The following SELENOH variants were observed in gnomAD, a reference collection of about 807,000 sequenced individuals.
SELENOH encodes the protein chromosome 11 open reading frame 31.
Under a neutral mutation model 11.9 loss-of-function variants are expected in SELENOH, and 13 were observed. The observed-to-expected ratio is 1.09, with a 90% CI of 0.71 to 1.74. SELENOH has a LOEUF of 1.74. SELENOH is among the 40% of genes most tolerant of loss of function. The pLI, the probability that SELENOH is intolerant of heterozygous loss-of-function variation, is 0.00. For missense variants in SELENOH, 223 were observed against 170.3 expected (o/e 1.31, Z -1.72); for synonymous variants, 96 against 73.5 (o/e 1.31, Z -1.56).
In SELENOH at chr11:57,741,867, G is replaced by A. The variant is rs1178482587; in HGVS notation, c.181G>A (p.Glu61Lys). 5.0e-6 allele frequency: 8 copies of A among 1,603,418 alleles called. No individual in the cohort carries two copies. Among genetic ancestry groups the A allele is most frequent in the Non-Finnish European group, 6.8e-6 (8 of 1,176,518 alleles). Reference protein sequence around the residue: ...AAALSQALRLEAPELPVKVNP... With the variant: ...AAALSQALRLKAPELPVKVNP... ...GGCCCTGAGCCAGGCGCTGCGCCTG[G>A]AGGCCCCAGAGCTTCCAGTAAAGGT... Residue 61 changes from glutamate (E) to lysine (K), a missense_variant, in exon 2 of 4, where the codon GAG (glutamate) becomes AAG (lysine). Glu to Lys is a moderately conservative substitution (Grantham distance 56). Coordinates refer to ENST00000534355, the MANE Select transcript of SELENOH (RefSeq NM_170746.4).
rs1227474453 is a variant in SELENOH, at chr11:57,742,256, TGGG to T, written c.*30+10_*30+12del. The T allele has an allele frequency of 1.3e-6, 2 of 1,548,316 alleles. No individual in the cohort carries two copies. The highest frequency in any genetic ancestry group is 2.7e-5 in the African/African-American group (2 of 73,348). ...GAAGCCCTCATGCTGAGGTTTGAAA[TGGG>T]AAGTGGGGGGCGCGACCGCTGTTGA... On this transcript the variant is annotated intron_variant, in intron 3 of 3. Transcript: ENST00000534355.
chr11:57,741,572 A>C lies in SELENOH; in HGVS notation c.-24A>C. 8.0e-7 allele frequency: 1 copy of C among 1,256,126 alleles called. No homozygotes were observed. The highest frequency in any genetic ancestry group is 4.0e-5 in the Admixed American group (1 of 25,232). 77.8% of individuals were successfully genotyped at this position (1,256,126 alleles called of 1,614,324 possible). On this transcript the variant is annotated 5_prime_UTR_variant, in exon 1 of 4. Coordinates refer to ENST00000534355, the MANE Select transcript of SELENOH (RefSeq NM_170746.4). ...GCCCCCCACCCACCAGTCCCGCTGCATTCTCGGCCGGGCTCTAGGCGCCAT... is the reference window on the plus strand; with the variant it reads ...GCCCCCCACCCACCAGTCCCGCTGCCTTCTCGGCCGGGCTCTAGGCGCCAT...
In SELENOH at chr11:57,741,730, G is replaced by T. The variant is rs1164905190; in HGVS notation, c.122+13G>T. 1.3e-6 allele frequency: 2 copies of T among 1,592,988 alleles called. No homozygotes were observed. The highest frequency in any genetic ancestry group is 1.7e-6 in the Non-Finnish European group (2 of 1,172,332). ...TTATCGAGCATTGGTGAGGGGCCTG[G>T]AGAGTAACGGGAGAGAGGGAACAGT... On this transcript the variant is annotated intron_variant, in intron 1 of 3. Transcript: ENST00000534355.
chr11:57,741,746 A>AG (rs1325949700), intron 1 of SELENOH, 29 bp downstream of exon 1: 11 of 1,598,458 alleles, frequency 6.9e-6, no homozygotes, highest in Non-Finnish European at 9.4e-6. Flanking sequence ...AACGGGAGAG[A>AG]GGGAACAGTG....
intron 2 of SELENOH, 66 bp from the exon 3 acceptor site, chr11:57,742,051 C>A: frequency 6.3e-7 from 1 of 1,586,626 alleles, no homozygotes; most frequent in Non-Finnish European, 8.6e-7. Context: ...ACGGCAGTCT[C>A]ATGACTTCAG....
rs1047422188 is a variant in SELENOH at position 57,742,216 on chromosome 11, A to G, written c.368A>G (p.Ter123TrpextTer?). ...GAAGAGTTGAAGAAGTACCTGTCGTAGGGAGATTTGGGTAGAAGCCCTCAT... is the reference window on the plus strand; with the variant it reads ...GAAGAGTTGAAGAAGTACCTGTCGTGGGGAGATTTGGGTAGAAGCCCTCAT... ...VVEELKKYLS[*>W] The change falls in exon 3 of 4, where the codon TAG becomes TGG. Residue 123 changes from the stop codon to tryptophan (W), a stop_lost. Coordinates refer to ENST00000534355, the MANE Select transcript of SELENOH (RefSeq NM_170746.4). The G allele has an allele frequency of 1.2e-6, 2 of 1,606,722 alleles. No individual in the cohort carries two copies. The highest frequency in any genetic ancestry group is 1.7e-6 in the Non-Finnish European group (2 of 1,176,518).
intron 1 of SELENOH, 30 bp downstream of exon 1, chr11:57,741,747 G>T: frequency 6.3e-7 from 1 of 1,598,824 alleles, no homozygotes; most frequent in Non-Finnish European, 8.5e-7. Flanking sequence ...ACGGGAGAGA[G>T]GGAACAGTGG....
chr11:57,742,243 C>T lies in SELENOH; in HGVS notation c.*26C>T. The T allele has an allele frequency of 6.3e-7, 1 of 1,576,100 alleles. No individual in the cohort carries two copies. Among genetic ancestry groups the T allele is most frequent in the Non-Finnish European group, 8.7e-7 (1 of 1,155,708 alleles). On this transcript the variant is annotated 3_prime_UTR_variant, in exon 3 of 4. Transcript: ENST00000534355. ...GGAGATTTGGGTAGAAGCCCTCATG[C>T]TGAGGTTTGAAATGGGAAGTGGGGG... is the stretch of plus-strand genomic sequence containing the variant.
At position 57,741,821 on chromosome 11, in the gene SELENOH, C is replaced by G; in HGVS notation, c.135C>G (p.Arg45=). The G allele has an allele frequency of 6.2e-7, 1 of 1,605,954 alleles. No individual in the cohort carries two copies. Among genetic ancestry groups the G allele is most frequent in the East Asian group, 2.2e-5 (1 of 44,556 alleles). The change falls in exon 2 of 4, where the codon CGC becomes CGG. Residue 45 remains arginine, a synonymous_variant. Transcript: ENST00000534355. The part of the protein sequence containing the change: ...TVVIEHCTSU[R]VYGRNAAALS... ...CGTCTCTCCCTAGCACTAGCTGACG[C>G]GTCTATGGGCGCAACGCCGCGGCCC...
rs145767870 is a variant in SELENOH at position 57,741,761 on chromosome 11, C to CGG, written c.123-41_123-40dup. 6.1e-5 allele frequency: 97 copies of CGG among 1,590,712 alleles called. No homozygotes were observed. In the African/African-American group the frequency reaches 9.7e-4, roughly 16 times the overall value. ...AACGGGAGAGAGGGAACAGTGGCGC[C>CGG]GGGGGGGGCCAGGGGCCCCGGTTTC... On this transcript the variant is annotated intron_variant, in intron 1 of 3. Transcript: ENST00000534355.
At position 57,741,940 on chromosome 11, in the gene SELENOH, G is replaced by A; in HGVS notation, c.254G>A (p.Arg85His). 4 of 1,588,466 alleles carry A rather than the reference G, an allele frequency of 2.5e-6. No individual in the cohort carries two copies. The highest frequency in any genetic ancestry group is 3.4e-6 in the Non-Finnish European group (4 of 1,171,834). Residue 85 changes from arginine to histidine, a missense_variant, in exon 2 of 4, where the codon CGC (arginine) becomes CAC (histidine). By Grantham distance (29) the Arg-to-His change is conservative (BLOSUM62 0). Coordinates refer to ENST00000534355, the MANE Select transcript of SELENOH (RefSeq NM_170746.4). ...RRGSFEVTLL[R>H]PDGSSAELWT... ...GGCAGCTTCGAGGTGACGCTGCTGC[G>A]CCCGGACGGCAGCAGTAAGTGGGGA...
At position 57,741,515 on chromosome 11, in the gene SELENOH, T is replaced by C; in HGVS notation, c.-81T>C. The C allele has an allele frequency of 1.8e-6, 2 of 1,132,654 alleles. No individual in the cohort carries two copies. The highest frequency in any genetic ancestry group is 2.2e-6 in the Non-Finnish European group (2 of 893,132). 70.2% of individuals were successfully genotyped at this position (1,132,654 alleles called of 1,614,324 possible). ...CAGAGCTTCCGGGCTGCGCTCTTCG[T>C]TGCCCAGTTTCCGCTCAGTGGTCGC... On this transcript the variant is annotated 5_prime_UTR_variant, in exon 1 of 4. Coordinates refer to ENST00000534355, the MANE Select transcript of SELENOH (RefSeq NM_170746.4).
Position 57,741,844 on chromosome 11 carries a change from C to T in SELENOH, c.158C>T (p.Ala53Val). The T allele has an allele frequency of 1.9e-6, 3 of 1,606,438 alleles. No individual in the cohort carries two copies. Among genetic ancestry groups the T allele is most frequent in the Non-Finnish European group, 2.5e-6 (3 of 1,176,934 alleles). The change falls in exon 2 of 4, where the codon GCC (alanine) becomes GTC (valine). Residue 53 changes from alanine (A) to valine (V), a missense_variant. By Grantham distance (64) the Ala-to-Val change is moderately conservative. Coordinates refer to ENST00000534355, the MANE Select transcript of SELENOH (RefSeq NM_170746.4). ...SURVYGRNAA[A>V]LSQALRLEAP... ...CGCGTCTATGGGCGCAACGCCGCGG[C>T]CCTGAGCCAGGCGCTGCGCCTGGAG...
chr11:57,742,307 G>A, intron 3 of SELENOH, 60 bp downstream of exon 3: 2 of 1,301,670 alleles, frequency 1.5e-6, no homozygotes, highest in South Asian at 2.6e-5. Context: ...ATTGATCTTG[G>A]TGTGGCTACA....
At chr11:57,742,311 G>A (rs1190662341) in intron 3 of SELENOH, 64 bp downstream of exon 3, 1 of 1,248,250 alleles carries the variant, frequency 8.0e-7, no homozygotes, top group African/African-American at 1.5e-5. Flanking sequence ...ATCTTGGTGT[G>A]GCTACAAGTA....
chr11:57,741,871 C>G lies in SELENOH; in HGVS notation c.185C>G (p.Ala62Gly). The G allele has an allele frequency of 1.2e-6, 2 of 1,600,212 alleles. No individual in the cohort carries two copies. Among genetic ancestry groups the G allele is most frequent in the Non-Finnish European group, 1.7e-6 (2 of 1,175,812 alleles). Residue 62 changes from alanine (A) to glycine (G), a missense_variant, in exon 2 of 4, where the codon GCC becomes GGC. Physicochemically the swap from Ala to Gly is moderately conservative, Grantham distance 60. Transcript: ENST00000534355. ...CTGAGCCAGGCGCTGCGCCTGGAGGCCCCAGAGCTTCCAGTAAAGGTGAAC... is the reference window on the plus strand; with the variant it reads ...CTGAGCCAGGCGCTGCGCCTGGAGGGCCCAGAGCTTCCAGTAAAGGTGAAC... ...AALSQALRLE[A>G]PELPVKVNPT... is the part of the protein sequence containing the mutation.
chr11:57,742,497 T>A, intron 3 of SELENOH: 1 of 437,322 alleles, frequency 2.3e-6, no homozygotes. Context: ...GAGACTGTAG[T>A]TGACTTGCCC....
Position 57,742,237 on chromosome 11 carries a change from C to G in SELENOH, c.*20C>G, listed in dbSNP as rs757490141. On this transcript the variant is annotated 3_prime_UTR_variant, in exon 3 of 4. Coordinates refer to ENST00000534355, the MANE Select transcript of SELENOH (RefSeq NM_170746.4). ...TCGTAGGGAGATTTGGGTAGAAGCCCTCATGCTGAGGTTTGAAATGGGAAG... is the reference window on the plus strand; with the variant it reads ...TCGTAGGGAGATTTGGGTAGAAGCCGTCATGCTGAGGTTTGAAATGGGAAG... 1 of 1,586,138 alleles carries G rather than the reference C, an allele frequency of 6.3e-7. No homozygotes were observed. Among genetic ancestry groups the G allele is most frequent in the East Asian group, 2.3e-5 (1 of 44,152 alleles).
At position 57,742,226 on chromosome 11, in the gene SELENOH, G is replaced by T. The variant is rs1405819412; in HGVS notation, c.*9G>T. ...AGAAGTACCTGTCGTAGGGAGATTT[G>T]GGTAGAAGCCCTCATGCTGAGGTTT... On this transcript the variant is annotated 3_prime_UTR_variant, in exon 3 of 4. Coordinates refer to ENST00000534355, the MANE Select transcript of SELENOH (RefSeq NM_170746.4). The T allele has an allele frequency of 6.3e-7, 1 of 1,599,082 alleles. No homozygotes were observed. The highest frequency in any genetic ancestry group is 8.5e-7 in the Non-Finnish European group (1 of 1,171,364).
Sources: gnomAD v4.1 joint callset for allele counts on GRCh38, gnomAD v4.1.1 for gene constraint, MANE v1.5 for transcripts, NCBI Gene and HGNC (gene_info 2026-07-23, HGNC 2026-07-21) for gene names.